Variants in OPN5 observed in about 807,000 individuals in gnomAD.
The protein encoded by OPN5 is opsin-5.
In OPN5, 18 loss-of-function variants were observed where a neutral mutation model predicts 41.7. That is an observed-to-expected ratio of 0.43 (90% CI 0.30 to 0.64). The LOEUF (loss-of-function observed/expected upper bound fraction) is 0.64. OPN5 is among the 30% of genes least tolerant of loss of function. The probability of loss-of-function intolerance (pLI) is 0.13; values close to 1 mark genes in which losing one functional copy is unlikely to be tolerated. For missense variants in OPN5, 318 were observed against 434.5 expected (o/e 0.73, Z 2.38); for synonymous variants, 178 against 164.3 (o/e 1.08, Z -0.64).
chr6:47,791,290 A>T (rs1050212795), intron 2 of OPN5, among the ~76,000 whole-genome samples: 15 of 71,084 alleles, frequency 2.1e-4, no homozygotes, highest in African/African-American at 5.8e-4. Context: ...CTTAACATCT[A>T]TTTCTGGTAA....
At chr6:47,783,620 C>T (rs546872237) in intron 1 of OPN5, among the ~76,000 whole-genome samples, 2 of 152,216 alleles carry the variant, frequency 1.3e-5, no homozygotes, top group East Asian at 3.9e-4. Flanking sequence ...AATTCTGTTT[C>T]TTATAAATGA....
In OPN5 at chr6:47,823,934, T is replaced by G. The variant is rs753912913; in HGVS notation, c.1057-49T>G. On this transcript the variant is annotated intron_variant, in intron 6 of 6. Transcript: ENST00000371211. Reference sequence around the variant, plus strand: ...GAATTTAGTTTTGGACTTTCTCCACTTACTGGCTGTGTGCCTCACCCTAAA... The same window carrying G: ...GAATTTAGTTTTGGACTTTCTCCACGTACTGGCTGTGTGCCTCACCCTAAA... The G allele has an allele frequency of 1.2e-4, 179 of 1,456,824 alleles. 2 individuals carry two copies. The highest frequency in any genetic ancestry group is 1.4e-4 in the Non-Finnish European group (150 of 1,060,510). 90.2% of individuals were successfully genotyped at this position (1,456,824 alleles called of 1,614,324 possible).
intron 6 of OPN5, among the ~76,000 whole-genome samples, chr6:47,820,039 T>C (rs1762569332): frequency 6.6e-6 from 1 of 152,184 alleles, no homozygotes; most frequent in Non-Finnish European, 1.5e-5. Context: ...CTCCAGTTGC[T>C]CTATTCAATG....
chr6:47,783,097 G>T (rs1773122789), intron 1 of OPN5, among the ~76,000 whole-genome samples: 1 of 151,380 alleles, frequency 6.6e-6, no homozygotes, highest in Admixed American at 6.6e-5. Context: ...GTTTAATGTG[G>T]CTACCAGAAA....
exon 4 of OPN5, chr6:47,795,252 G>T (rs767845016): frequency 3.1e-6 from 5 of 1,604,788 alleles, no homozygotes; most frequent in Admixed American, 3.4e-5. Context: ...AAGAAAGCAC[G>T]CCTACATCTG....
At chr6:47,826,079 T>C (rs1762781817), downstream of OPN5, 1 of 152,172 alleles carries the variant, frequency 6.6e-6, no homozygotes, top group South Asian at 2.1e-4. Context: ...TAATATCTTT[T>C]AAAAAATTTT....
chr6:47,808,623 G>A (rs1156397433), intron 5 of OPN5, among the ~76,000 whole-genome samples: 2 of 152,114 alleles, frequency 1.3e-5, no homozygotes, highest in Admixed American at 1.3e-4. Context: ...TTTGATCGTG[G>A]AGCAACTAAG....
At chr6:47,791,459 T>C (rs1490507876) in intron 2 of OPN5, among the ~76,000 whole-genome samples, 1 of 152,236 alleles carries the variant, frequency 6.6e-6, no homozygotes, top group African/African-American at 2.4e-5. Context: ...AGTGACCAGA[T>C]CGTTGTCACT....
At chr6:47,820,419 G>T (rs998576382) in intron 6 of OPN5, among the ~76,000 whole-genome samples, 8 of 152,120 alleles carry the variant, frequency 5.3e-5, no homozygotes, top group Non-Finnish European at 1.2e-4. Context: ...CTATATGGTT[G>T]ACCGATTTAT....
At chr6:47,818,885 G>C (rs1762510462) in intron 6 of OPN5, among the ~76,000 whole-genome samples, 1 of 152,154 alleles carries the variant, frequency 6.6e-6, no homozygotes, top group Admixed American at 6.5e-5. Context: ...TGGTGGAAGG[G>C]AGAGGGAGAG....
intron 6 of OPN5, 73 bp from the exon 7 acceptor site, chr6:47,823,910 A>C: frequency 9.1e-7 from 1 of 1,094,820 alleles, no homozygotes; most frequent in South Asian, 1.3e-5. Context: ...TTAGGCTCTG[A>C]ATTTAGTTTT....
chr6:47,820,584 G>A (rs374033686), intron 6 of OPN5, among the ~76,000 whole-genome samples: 1 of 152,154 alleles, frequency 6.6e-6, no homozygotes, highest in African/African-American at 2.4e-5. Context: ...CCTAGACCAG[G>A]TGCATCAAAT....
chr6:47,789,172 C>T (rs1773288461), intron 2 of OPN5, among the ~76,000 whole-genome samples: 1 of 152,152 alleles, frequency 6.6e-6, no homozygotes, highest in Admixed American at 6.5e-5. Flanking sequence ...CACCTCAAGC[C>T]TTTTAGTTTG....
At chr6:47,795,357 A>G (rs1773513415) in exon 4 of OPN5, 2 of 1,613,948 alleles carry the variant, frequency 1.2e-6, no homozygotes, top group African/African-American at 1.3e-5. Flanking sequence ...AACCTCGTGC[A>G]CCCTGGACTG....
At chr6:47,804,502 G>A (rs904558807) in intron 4 of OPN5, among the ~76,000 whole-genome samples, 3 of 152,084 alleles carry the variant, frequency 2.0e-5, no homozygotes, top group South Asian at 2.1e-4. Context: ...TGACAAAAAC[G>A]GAGTGTAACA....
intron 3 of OPN5, 162 bp from the exon 4 acceptor site, chr6:47,795,067 C>CT (rs1449319225): frequency 6.8e-6 from 4 of 587,178 alleles, no homozygotes; most frequent in East Asian, 2.8e-5. Context: ...AGCTCTGGAA[C>CT]TTTTTTCCGT....
At chr6:47,806,804 T>C (rs978291405) in intron 4 of OPN5, among the ~76,000 whole-genome samples, 2 of 152,212 alleles carry the variant, frequency 1.3e-5, no homozygotes, top group Non-Finnish European at 2.9e-5. Flanking sequence ...TCTATGCCTT[T>C]ACTTTGTTTC....
chr6:47,802,880 G>C (rs1319766681), intron 4 of OPN5, among the ~76,000 whole-genome samples: 1 of 152,164 alleles, frequency 6.6e-6, no homozygotes, highest in Admixed American at 6.5e-5. Context: ...GCTTTTGCTT[G>C]TTTATAGAGT....
intron 5 of OPN5, among the ~76,000 whole-genome samples, chr6:47,811,468 G>A (rs1406978574): frequency 1.3e-5 from 2 of 152,146 alleles, no homozygotes; most frequent in East Asian, 1.9e-4. Flanking sequence ...TGAGTGGCTT[G>A]TTTTTGGAAA....
Sources: allele counts gnomAD v4.1 joint callset (sites outside exome capture counted in the v4.1 genomes callset), GRCh38; gene constraint gnomAD v4.1.1; transcripts MANE v1.5; gene names NCBI Gene and HGNC (gene_info 2026-07-23, HGNC 2026-07-21).